Variants in CERS3 observed in about 807,000 individuals in gnomAD.
CERS3 encodes the protein ceramide synthase 3.
In CERS3, 33 loss-of-function variants were observed where a neutral mutation model predicts 50.3. The observed-to-expected ratio is 0.66, with a 90% CI of 0.50 to 0.88. CERS3 has a LOEUF of 0.88. Among genes scored for constraint, CERS3 ranks in the 40% least tolerant of loss-of-function variants. The probability of loss-of-function intolerance (pLI) is 0.00; values close to 1 mark genes in which losing one functional copy is unlikely to be tolerated. For missense variants in CERS3, 470 were observed against 460.3 expected (o/e 1.02, Z -0.19); for synonymous variants, 176 against 155.2 (o/e 1.13, Z -0.99).
At chr15:100,465,939 G>A (rs770406346) in intron 10 of CERS3, among the ~76,000 whole-genome samples, 27 of 152,166 alleles carry the variant, frequency 1.8e-4, no homozygotes, top group Non-Finnish European at 3.4e-4. Flanking sequence ...GATTACAGGC[G>A]TGAGCTACCG....
chr15:100,482,563 T>C (rs1207486669), intron 5 of CERS3, among the ~76,000 whole-genome samples: 1 of 151,822 alleles, frequency 6.6e-6, no homozygotes, highest in Admixed American at 6.6e-5. Context: ...AATCTGTATT[T>C]TAAAATGAAA....
At chr15:100,470,333 AT>A (rs1219286548) in intron 9 of CERS3, among the ~76,000 whole-genome samples, 1 of 152,180 alleles carries the variant, frequency 6.6e-6, no homozygotes, top group Non-Finnish European at 1.5e-5. Flanking sequence ...GAGGCAACAC[AT>A]TTACATTCCA....
chr15:100,410,784 T>C (rs1446295486), intron 11 of CERS3, among the ~76,000 whole-genome samples: 1 of 152,234 alleles, frequency 6.6e-6, no homozygotes, highest in Non-Finnish European at 1.5e-5. Flanking sequence ...TGTCAAAGCA[T>C]TGTCTAAAGT....
chr15:100,484,514 C>T (rs372509909), intron 5 of CERS3, 36 bp downstream of exon 5: 77 of 1,389,348 alleles, frequency 5.5e-5, no homozygotes, highest in Non-Finnish European at 7.0e-5. Context: ...CCAGATAGGA[C>T]GGCAGCATTC....
intron 5 of CERS3, among the ~76,000 whole-genome samples, 183 bp downstream of exon 5, chr15:100,484,367 A>G (rs950814363): frequency 6.6e-6 from 1 of 152,150 alleles, no homozygotes; most frequent in African/African-American, 2.4e-5. Context: ...AGCTTACTTG[A>G]TTTATAAAGG....
intron 9 of CERS3, 21 bp from the exon 10 acceptor site, chr15:100,469,505 G>A (rs368872348): frequency 2.0e-6 from 3 of 1,504,284 alleles, no homozygotes; most frequent in South Asian, 2.3e-5. Flanking sequence ...GAAAGAAACT[G>A]CAGATAAAGT....
chr15:100,450,416 C>CAAAAAA (rs34873483), intron 11 of CERS3, among the ~76,000 whole-genome samples: 16 of 63,462 alleles, frequency 2.5e-4, no homozygotes, highest in East Asian at 4.8e-4. Flanking sequence ...GACTCTGTCT[C>CAAAAAA]AAAAAAAAAA....
At position 100,402,638 on chromosome 15, in the gene CERS3, G is replaced by T. The variant is rs1023782; in HGVS notation, c.*75C>A. 839,609 of 1,438,272 alleles carry T rather than the reference G, an allele frequency of 0.58. 247,053 individuals carry two copies. Among genetic ancestry groups the T allele is most frequent in the Non-Finnish European group, 0.6 (635,493 of 1,057,710 alleles). 89.1% of individuals were successfully genotyped at this position (1,438,272 alleles called of 1,614,324 possible). ...AGAGGGAAGGGCAGAATGTGGGGTCGGTGTGGGGCCTGGAAGCCAGGCTGC... is the reference window on the plus strand; with the variant it reads ...AGAGGGAAGGGCAGAATGTGGGGTCTGTGTGGGGCCTGGAAGCCAGGCTGC... On this transcript the variant is annotated 3_prime_UTR_variant, in exon 12 of 12. Coordinates refer to ENST00000679737, the MANE Select transcript of CERS3 (RefSeq NM_001378789.1).
intron 11 of CERS3, among the ~76,000 whole-genome samples, chr15:100,439,990 A>G (rs888230977): frequency 1.3e-5 from 2 of 152,196 alleles, no homozygotes; most frequent in Non-Finnish European, 1.5e-5. Flanking sequence ...GAAAATCACA[A>G]TGAAACTAGG....
chr15:100,489,687 T>C (rs916734906), intron 4 of CERS3, among the ~76,000 whole-genome samples: 8 of 152,206 alleles, frequency 5.3e-5, no homozygotes, highest in Non-Finnish European at 1.5e-5. Context: ...TGCTTAGGTA[T>C]TATTATCACC....
In CERS3 at chr15:100,506,463, C is replaced by CCCCG. The variant is rs1382274378; in HGVS notation, c.-1-4614_-1-4613insCGGG. 2.7e-4 allele frequency among the ~76,000 whole-genome samples: 4 copies of CCCCG among 14,900 alleles called. No homozygotes were observed. The South Asian group carries it at 0.011, about 40-fold the overall frequency. The allele number at this position is 14,900 out of a possible 152,430, so 9.8% of individuals were successfully genotyped here. A position where few individuals can be genotyped will look rare whatever the true frequency, so the allele number is the denominator to read the frequency against. ...TGACGGGGTGTGAAGAAATCGGGAC[C>CCCCG]CCCCCGCCGCCCCACACACACACAC... On this transcript the variant is annotated intron_variant, in intron 2 of 11. Coordinates refer to ENST00000679737, the MANE Select transcript of CERS3 (RefSeq NM_001378789.1).
At chr15:100,517,298 C>A (rs138728436) in intron 2 of CERS3, among the ~76,000 whole-genome samples, 1 of 152,354 alleles carries the variant, frequency 6.6e-6, no homozygotes, top group African/African-American at 2.4e-5. Context: ...TCACTATTTA[C>A]ATTTCCTCAT....
intron 2 of CERS3, among the ~76,000 whole-genome samples, chr15:100,509,062 G>T (rs1475690998): frequency 6.6e-6 from 1 of 152,160 alleles, no homozygotes; most frequent in Non-Finnish European, 1.5e-5. Flanking sequence ...TAATACTATG[G>T]AATTCTTAAG....
rs375191450 is a variant in CERS3 at position 100,510,627 on chromosome 15, G to C, written c.-1-8777C>G. ...GCATTCTCCAGCCTCCCCAGATGTG[G>C]CATGTGTGACTATGCCTGGGTCAAT... On this transcript the variant is annotated intron_variant, in intron 2 of 11. Coordinates refer to ENST00000679737, the MANE Select transcript of CERS3 (RefSeq NM_001378789.1). 2.6e-5 allele frequency among the ~76,000 whole-genome samples: 4 copies of C among 152,282 alleles called. 1 individual carries two copies. Among genetic ancestry groups the C allele is most frequent in the African/African-American group, 9.6e-5 (4 of 41,564 alleles).
chr15:100,442,771 C>A (rs2033736423), intron 11 of CERS3, among the ~76,000 whole-genome samples: 1 of 152,258 alleles, frequency 6.6e-6, no homozygotes, highest in Non-Finnish European at 1.5e-5. Context: ...ACTGACACTG[C>A]CCGATCACCT....
chr15:100,480,018 TG>T lies in CERS3; in HGVS notation c.435del (p.Thr146LeufsTer39). ...TAAAGAAACGCAATTCCAGCAACAG[TG>T]ATCATTAAGTAAAATGCAAATCTCC... is the stretch of plus-strand genomic sequence containing the variant. ...ACWRFAFYLMITVAGIAFLYD... is the reference protein window; with the variant it reads ...ACWRFAFYLMXTVAGIAFLYD... On this transcript the variant is annotated frameshift_variant, in exon 6 of 12. Transcript: ENST00000679737. LOFTEE classifies it high-confidence loss of function. The T allele has an allele frequency of 6.2e-7, 1 of 1,611,206 alleles. No homozygotes were observed. Among genetic ancestry groups the T allele is most frequent in the African/African-American group, 1.3e-5 (1 of 74,800 alleles).
Position 100,483,781 on chromosome 15 carries a change from A to ATTTTTTTT in CERS3, c.407+768_407+769insAAAAAAAA, listed in dbSNP as rs1267906519. ...AGGATCAATAATAATAATAATTATTATTATTATTTTTTTTTTTGAGACAGA... is the reference window on the plus strand; with the variant it reads ...AGGATCAATAATAATAATAATTATTATTTTTTTTTTATTATTTTTTTTTTTGAGACAGA... On this transcript the variant is annotated intron_variant, in intron 5 of 11. Transcript: ENST00000679737. 1.0e-3 allele frequency among the ~76,000 whole-genome samples: 81 copies of ATTTTTTTT among 77,602 alleles called. 7 individuals carry two copies. The East Asian group carries it at 0.014, about 13-fold the overall frequency. 50.9% of individuals were successfully genotyped at this position (77,602 alleles called of 152,430 possible). A position where few individuals can be genotyped will look rare whatever the true frequency, so the allele number is the denominator to read the frequency against.
At chr15:100,539,772 C>T (rs572737517) in intron 1 of CERS3, among the ~76,000 whole-genome samples, 1 of 152,158 alleles carries the variant, frequency 6.6e-6, no homozygotes, top group Non-Finnish European at 1.5e-5. Context: ...TCATTTCAGA[C>T]CCTCTCAAGG....
At chr15:100,483,879 C>G (rs2035403809) in intron 5 of CERS3, among the ~76,000 whole-genome samples, 1 of 149,024 alleles carries the variant, frequency 6.7e-6, no homozygotes, top group Non-Finnish European at 1.5e-5. Flanking sequence ...CTCCCAGGTT[C>G]ACGCCATTCT....
Sources: gnomAD v4.1 joint callset for allele counts (sites outside exome capture counted in the v4.1 genomes callset) on GRCh38, gnomAD v4.1.1 for gene constraint, MANE v1.5 for transcripts, NCBI Gene and HGNC (gene_info 2026-07-23, HGNC 2026-07-21) for gene names.